ELAC2: variants seen among roughly 807,000 people sequenced by gnomAD.
ELAC2 encodes elaC ribonuclease Z 2, also known as zinc phosphodiesterase ELAC protein 2.
A neutral mutation model predicts 105.2 loss-of-function variants in ELAC2; 92 were observed. The observed-to-expected ratio is 0.87, with a 90% confidence interval of 0.74 to 1.04. The LOEUF (loss-of-function observed/expected upper bound fraction) is 1.04, where lower values mean the gene tolerates loss of function less well. Ranked by LOEUF, ELAC2 falls within the 50% of genes least tolerant of loss-of-function variation. The probability of loss-of-function intolerance (pLI) is 0.00; values close to 1 mark genes in which losing one functional copy is unlikely to be tolerated. For synonymous variants in ELAC2, 468 were observed against 409.1 expected, an observed-to-expected ratio of 1.14 and a Z score of -1.74; for missense variants, 1,099 against 1,071.7, an observed-to-expected ratio of 1.03 and a Z score of -0.36.
Position 12,992,143 on chromosome 17 carries a change from A to ATTGAT in ELAC2, c.*670_*674dup, listed in dbSNP as rs201467223. Among the ~76,000 whole-genome samples, 3 of 150,754 alleles carry ATTGAT rather than the reference A, an allele frequency of 2.0e-5. No homozygotes were observed. Among genetic ancestry groups the ATTGAT allele is most frequent in the African/African-American group, 4.9e-5 (2 of 40,550 alleles). The stretch of plus-strand genomic sequence containing the variant: ...ACTGATTGATTTGATTGATTGATTG[A>ATTGAT]TTGATTGATAGAGAAAGCACGCCCT... On this transcript the variant is annotated 3_prime_UTR_variant, in exon 24 of 24. Coordinates refer to ENST00000338034, the MANE Select transcript of ELAC2 (RefSeq NM_018127.7).
intron 19 of ELAC2, among the ~76,000 whole-genome samples, chr17:12,995,460 CA>C (rs1363764180): frequency 6.6e-6 from 1 of 152,270 alleles, no homozygotes; most frequent in Non-Finnish European, 1.5e-5. Context: ...GTTTAGAAAG[CA>C]GCTCAGAACT....
At position 12,996,843 on chromosome 17, in the gene ELAC2, C is replaced by T. The variant is rs567285221; in HGVS notation, c.1521-158G>A. ...CTAATATAAAAGCCAATTAATTTAA[C>T]CATAAAGGTGATTTTACATGTGTCA... On this transcript the variant is annotated intron_variant, in intron 16 of 23. Transcript: ENST00000338034. Among the ~76,000 whole-genome samples, 8 of 152,062 alleles carry T rather than the reference C, an allele frequency of 5.3e-5. No individual in the cohort carries two copies. The East Asian group carries it at 1.5e-3, about 29-fold the overall frequency.
chr17:12,994,766 A>G lies in ELAC2; in HGVS notation c.2027T>C (p.Met676Thr). 1 of 1,613,848 alleles carries G rather than the reference A, an allele frequency of 6.2e-7. No individual in the cohort carries two copies. The highest frequency in any genetic ancestry group is 1.7e-5 in the Admixed American group (1 of 60,020). ...GGCTTGCTTCTTCCTCTACTCACCC[A>G]TCCGGACCAGAGCCTCGCAGGGCAT... ...DTMPCEALVR[M>T]GKDATLLIHE... is the part of the protein sequence containing the mutation. The change falls in exon 21 of 24, where the codon ATG (methionine) becomes ACG (threonine). Residue 676 changes from methionine to threonine, a missense_variant and splice_region_variant. Physicochemically the swap from Met to Thr is moderately conservative, Grantham distance 81 (BLOSUM62 -1). Transcript: ENST00000338034.
At position 12,994,987 on chromosome 17, in the gene ELAC2, C is replaced by G. The variant is rs375891204; in HGVS notation, c.1884G>C (p.Leu628=). The part of the protein sequence containing the change: ...SPAVERLISS[L]LRTCDLEEFQ... ...CCTCTTCCAAATCACATGTTCGCAA[C>G]AGCGAACTGATCAATCTTTCCACTG... Residue 628 remains leucine, a synonymous_variant, in exon 20 of 24, where the codon CTG becomes CTC. Transcript: ENST00000338034. The G allele has an allele frequency of 6.2e-6, 10 of 1,614,108 alleles. No individual in the cohort carries two copies. Among genetic ancestry groups the G allele is most frequent in the South Asian group, 3.3e-5 (3 of 91,090 alleles).
chr17:12,995,480 G>A (rs904877074), intron 19 of ELAC2, among the ~76,000 whole-genome samples: 1 of 152,238 alleles, frequency 6.6e-6, no homozygotes, highest in Admixed American at 6.5e-5. Flanking sequence ...CTCAAATGAG[G>A]ACTGGGAAGA....
chr17:13,018,002 C>G lies in ELAC2; in HGVS notation c.-55G>C. 2 of 1,533,528 alleles carry G rather than the reference C, an allele frequency of 1.3e-6. No individual in the cohort carries two copies. The highest frequency in any genetic ancestry group is 1.7e-6 in the Non-Finnish European group (2 of 1,146,480). 95.0% of individuals were successfully genotyped at this position (1,533,528 alleles called of 1,614,324 possible). ...CGCCGGTCACCTACGCCCGCGTTTC[C>G]CGTGCACCACCTAGCCGCTCCGCAT... On this transcript the variant is annotated 5_prime_UTR_variant, in exon 1 of 24. Coordinates refer to ENST00000338034, the MANE Select transcript of ELAC2 (RefSeq NM_018127.7).
chr17:13,003,695 T>A, intron 11 of ELAC2, 121 bp from the exon 12 acceptor site: 6 of 847,668 alleles, frequency 7.1e-6, no homozygotes, highest in Non-Finnish European at 1.2e-5. Flanking sequence ...GCTGACAGCC[T>A]CCACGCCCAG....
At chr17:12,995,630 T>G in intron 19 of ELAC2, 73 bp downstream of exon 19, 2 of 1,424,554 alleles carry the variant, frequency 1.4e-6, no homozygotes, top group Non-Finnish European at 1.9e-6. Flanking sequence ...ACTACCCCAG[T>G]GTCCACCTTG....
intron 15 of ELAC2, among the ~76,000 whole-genome samples, chr17:12,999,068 G>A (rs1387504006): frequency 6.6e-6 from 1 of 152,218 alleles, no homozygotes; most frequent in Non-Finnish European, 1.5e-5. Flanking sequence ...AGGGGGACTG[G>A]CAGGCCCCTG....
intron 21 of ELAC2, 81 bp downstream of exon 21, chr17:12,994,683 C>T: frequency 6.2e-7 from 1 of 1,611,400 alleles, no homozygotes; most frequent in South Asian, 1.1e-5. Context: ...CTGACGTTTC[C>T]CTGCAAGCCC....
Position 12,993,844 on chromosome 17 carries a change from G to A in ELAC2, c.2109-13C>T. ...TTGGGACGTTGTGCTGCAGGTGAAG[G>A]ACAGAGCAGACTGAAGCTGAACTCA... On this transcript the variant is annotated splice_polypyrimidine_tract_variant and intron_variant, in intron 22 of 23. Transcript: ENST00000338034. 6.2e-7 allele frequency: 1 copy of A among 1,614,146 alleles called. No individual in the cohort carries two copies. The highest frequency in any genetic ancestry group is 8.5e-7 in the Non-Finnish European group (1 of 1,180,030).
chr17:13,016,737 G>T, intron 3 of ELAC2, 125 bp downstream of exon 3: 1 of 894,928 alleles, frequency 1.1e-6, no homozygotes, highest in South Asian at 1.6e-5. Flanking sequence ...CCAAGATCAC[G>T]CCACTGACAA....
Position 12,991,869 on chromosome 17 carries a change from TTTAC to T in ELAC2, c.*945_*948del, listed in dbSNP as rs138282803. On this transcript the variant is annotated 3_prime_UTR_variant, in exon 24 of 24. Coordinates refer to ENST00000338034, the MANE Select transcript of ELAC2 (RefSeq NM_018127.7). The stretch of plus-strand genomic sequence containing the variant: ...TCAACTTACTTACTTACTTACTTAC[TTTAC>T]TTACTTACTTCCTTGGAAAATGCTC... Among the ~76,000 whole-genome samples the T allele has an allele frequency of 0.023, 2,972 of 127,326 alleles. 99 individuals carry two copies. The highest frequency in any genetic ancestry group is 0.15 in the East Asian group (771 of 5,146). The allele number at this position is 127,326 out of a possible 152,430, so 83.5% of individuals were successfully genotyped here.
At chr17:13,003,756 T>A (rs2040957375) in intron 11 of ELAC2, 182 bp from the exon 12 acceptor site, 2 of 621,208 alleles carry the variant, frequency 3.2e-6, no homozygotes, top group Non-Finnish European at 5.8e-6. Flanking sequence ...GCTGGGCCAT[T>A]TCCAATGGAC....
Position 12,993,837 on chromosome 17 carries a change from GGTGAAGGACAGAGCA to G in ELAC2, c.2109-21_2109-7del. On this transcript the variant is annotated splice_region_variant and splice_polypyrimidine_tract_variant and intron_variant, in intron 22 of 23. Transcript: ENST00000338034. ...TGATGGCTTGGGACGTTGTGCTGCA[GGTGAAGGACAGAGCA>G]GACTGAAGCTGAACTCAACTGCAAG... 1.2e-6 allele frequency: 2 copies of G among 1,614,204 alleles called. No individual in the cohort carries two copies. Among genetic ancestry groups the G allele is most frequent in the Non-Finnish European group, 1.7e-6 (2 of 1,180,042 alleles).
At chr17:13,010,992 CATATA>C (rs942450465) in intron 7 of ELAC2, among the ~76,000 whole-genome samples, 8 of 152,138 alleles carry the variant, frequency 5.3e-5, no homozygotes, top group African/African-American at 7.2e-5. Context: ...CTTTATAACA[CATATA>C]ATATATGAAA....
chr17:12,992,924 G>T lies in ELAC2; in HGVS notation c.2375C>A (p.Ala792Glu). The T allele has an allele frequency of 6.2e-7, 1 of 1,610,964 alleles. No individual in the cohort carries two copies. The part of the protein sequence containing the change: ...REKRELRQVR[A>E]ALLSRELAGG... ...TGCCAGCTCCCTGGACAGGAGGGCC[G>T]CCCGCACCTGCCGCAGCTCCCGCTT... The change falls in exon 24 of 24, where the codon GCG (alanine) becomes GAG (glutamate). Residue 792 changes from alanine (A) to glutamate (E), a missense_variant. Coordinates refer to ENST00000338034, the MANE Select transcript of ELAC2 (RefSeq NM_018127.7).
At position 12,998,527 on chromosome 17, in the gene ELAC2, G is replaced by C. The variant is rs1274651882; in HGVS notation, c.1424-19C>G. The C allele has an allele frequency of 1.2e-6, 2 of 1,606,438 alleles. No homozygotes were observed. Among genetic ancestry groups the C allele is most frequent in the African/African-American group, 2.7e-5 (2 of 74,762 alleles). Reference sequence around the variant, plus strand: ...CTTTTCTCTGTGAAAAAATCCATGTGAAACAATCCATTCCTTTGGGTCAAA... The same window carrying C: ...CTTTTCTCTGTGAAAAAATCCATGTCAAACAATCCATTCCTTTGGGTCAAA... On this transcript the variant is annotated intron_variant, in intron 15 of 23. Coordinates refer to ENST00000338034, the MANE Select transcript of ELAC2 (RefSeq NM_018127.7).
chr17:13,002,640 T>C (rs1409743269), intron 12 of ELAC2, 61 bp from the exon 13 acceptor site: 1 of 1,556,458 alleles, frequency 6.4e-7, no homozygotes, highest in East Asian at 2.4e-5. Flanking sequence ...CCCTGAGGAG[T>C]GGTGCTGAGC....
Sources: gnomAD v4.1 joint callset for allele counts (sites outside exome capture counted in the v4.1 genomes callset) on GRCh38, gnomAD v4.1.1 for gene constraint, MANE v1.5 for transcripts, NCBI Gene and HGNC (gene_info 2026-07-23, HGNC 2026-07-21) for gene names.